MAGEA6: variants seen among roughly 807,000 people sequenced by gnomAD.
The protein encoded by MAGEA6 is MAGE family member A6.
For synonymous variants in MAGEA6, 100 were observed against 98.8 expected (o/e 1.01, Z -0.07); for missense variants, 281 against 231.4 (o/e 1.21, Z -1.39).
rs782130008 is a variant in MAGEA6, at chrX:152,766,715, C to T, written c.936G>A (p.Gly312=). The T allele has an allele frequency of 3.3e-6, 4 of 1,209,254 alleles. No homozygotes were observed. The highest frequency in any genetic ancestry group is 3.0e-5 in the East Asian group (1 of 33,788). Residue 312 remains glycine, a synonymous_variant, in exon 3 of 3, where the codon GGG becomes GGA. Coordinates refer to ENST00000329342, the MANE Select transcript of MAGEA6 (RefSeq NM_005363.5). ...CAACTCGTGCTCAGACTCACTCTTCCCCCTCTCTCAAAGCCCACTCATGCA... is the reference window on the plus strand; with the variant it reads ...CAACTCGTGCTCAGACTCACTCTTCTCCCTCTCTCAAAGCCCACTCATGCA... ...PLLHEWALRE[G]EE
Position 152,766,397 on chromosome X carries a change from A to G in MAGEA6, c.*309T>C, listed in dbSNP as rs1932715392. On this transcript the variant is annotated 3_prime_UTR_variant, in exon 3 of 3. Coordinates refer to ENST00000329342, the MANE Select transcript of MAGEA6 (RefSeq NM_005363.5). ...GATTTCCCAATCTGAATAAAAAACA[A>G]GACTCTTACTCCTAAACTATATAAA... 2 of 379,823 alleles carry G rather than the reference A, an allele frequency of 5.3e-6. No individual in the cohort carries two copies. The highest frequency in any genetic ancestry group is 9.8e-6 in the Non-Finnish European group (2 of 203,911). The allele number at this position is 379,823 out of a possible 1,213,427, so 31.3% of individuals were successfully genotyped here. A position where few individuals can be genotyped will look rare whatever the true frequency, so the allele number is the denominator to read the frequency against.
rs148280358 is a variant in MAGEA6, at chrX:152,766,963, C to G, written c.688G>C (p.Val230Leu). ...ATACTGTCTTCCCTCCCCTCAAACA[C>G]CTCTAACACACTCAGCTCCTCCCAG... ...KIWEELSVLE[V>L]FEGREDSIFG... Residue 230 changes from valine (V) to leucine (L), a missense_variant, in exon 3 of 3, where the codon GTG (valine) becomes CTG (leucine). Coordinates refer to ENST00000329342, the MANE Select transcript of MAGEA6 (RefSeq NM_005363.5). 36 of 1,210,927 alleles carry G rather than the reference C, an allele frequency of 3.0e-5. No individual in the cohort carries two copies. The highest frequency in any genetic ancestry group is 4.0e-5 in the Non-Finnish European group (36 of 894,798).
In MAGEA6 at chrX:152,766,700, T is replaced by A. The variant is rs782246227; in HGVS notation, c.*6A>T. 1.8e-5 allele frequency: 22 copies of A among 1,204,512 alleles called. No individual in the cohort carries two copies. The highest frequency in any genetic ancestry group is 2.5e-5 in the Non-Finnish European group (22 of 892,017). ...CACTGGCCCTGGCTGCAACTCGTGCTCAGACTCACTCTTCCCCCTCTCTCA... is the reference window on the plus strand; with the variant it reads ...CACTGGCCCTGGCTGCAACTCGTGCACAGACTCACTCTTCCCCCTCTCTCA... On this transcript the variant is annotated 3_prime_UTR_variant, in exon 3 of 3. Transcript: ENST00000329342.
In MAGEA6 at chrX:152,767,393, G is replaced by T; in HGVS notation, c.258C>A (p.Asp86Glu). Residue 86 changes from aspartate (D) to glutamate (E), a missense_variant, in exon 3 of 3, where the codon GAC becomes GAA. Transcript: ENST00000329342. Reference protein sequence around the residue: ...NYPLWSQSYEDSSNQEEEGPS... With the variant: ...NYPLWSQSYEESSNQEEEGPS... Reference sequence around the variant, plus strand: ...GCCCCTCCTCTTCTTGGTTGCTGGAGTCCTCATAGGATTGGCTCCAGAGAG... The same window carrying T: ...GCCCCTCCTCTTCTTGGTTGCTGGATTCCTCATAGGATTGGCTCCAGAGAG... The T allele has an allele frequency of 1.2e-5, 14 of 1,206,478 alleles. No individual in the cohort carries two copies. Among genetic ancestry groups the T allele is most frequent in the Non-Finnish European group, 1.6e-5 (14 of 893,327 alleles).
At position 152,767,403 on chromosome X, in the gene MAGEA6, G is replaced by A. The variant is rs1556826160; in HGVS notation, c.248C>T (p.Ser83Phe). Reference protein sequence around the residue: ...TTMNYPLWSQSYEDSSNQEEE... With the variant: ...TTMNYPLWSQFYEDSSNQEEE... ...TTCTTGGTTGCTGGAGTCCTCATAG[G>A]ATTGGCTCCAGAGAGGGTAGTTCAT... is the stretch of plus-strand genomic sequence containing the variant. Residue 83 changes from serine to phenylalanine, a missense_variant, in exon 3 of 3, where the codon TCC becomes TTC. Physicochemically the swap from Ser to Phe is radical, Grantham distance 155. Transcript: ENST00000329342. 2.7e-5 allele frequency: 33 copies of A among 1,200,745 alleles called. No homozygotes were observed. Among genetic ancestry groups the A allele is most frequent in the Non-Finnish European group, 3.5e-5 (31 of 891,591 alleles).
At position 152,767,338 on chromosome X, in the gene MAGEA6, A is replaced by G; in HGVS notation, c.313T>C (p.Phe105Leu). The part of the protein sequence containing the change: ...PSTFPDLESE[F>L]QAALSRKVAK... Reference sequence around the variant, plus strand: ...ACCTTCCTACTGAGTGCTGCTTGGAACTCAGACTCCAGGTCAGGGAAGGTG... The same window carrying G: ...ACCTTCCTACTGAGTGCTGCTTGGAGCTCAGACTCCAGGTCAGGGAAGGTG... Residue 105 changes from phenylalanine to leucine, a missense_variant, in exon 3 of 3, where the codon TTC (phenylalanine) becomes CTC (leucine). Phe to Leu is a conservative substitution (Grantham distance 22, BLOSUM62 0). Coordinates refer to ENST00000329342, the MANE Select transcript of MAGEA6 (RefSeq NM_005363.5). The G allele has an allele frequency of 6.6e-6, 8 of 1,209,054 alleles. No homozygotes were observed. The highest frequency in any genetic ancestry group is 2.2e-5 in the Admixed American group (1 of 45,881).
At position 152,766,573 on chromosome X, in the gene MAGEA6, T is replaced by C; in HGVS notation, c.*133A>G. The C allele has an allele frequency of 1.6e-6, 1 of 617,821 alleles. No individual in the cohort carries two copies. Among genetic ancestry groups the C allele is most frequent in the Non-Finnish European group, 2.6e-6 (1 of 387,787 alleles). The allele number at this position is 617,821 out of a possible 1,213,427, so 50.9% of individuals were successfully genotyped here. ...AACAGAAACCCACTACTAAGAATGC[T>C]GACTGCTCGCTTCAAAGAGTGAAGA... On this transcript the variant is annotated 3_prime_UTR_variant, in exon 3 of 3. Transcript: ENST00000329342.
intron 2 of MAGEA6, 28 bp from the exon 3 acceptor site, chrX:152,767,743 C>T (rs2124943742): frequency 2.6e-6 from 1 of 385,666 alleles, no homozygotes; most frequent in Non-Finnish European, 4.7e-6. Flanking sequence ...ATGTGAGAGA[C>T]CTCAGCTGAG....
At position 152,767,000 on chromosome X, in the gene MAGEA6, A is replaced by C; in HGVS notation, c.651T>G (p.Pro217=). The C allele has an allele frequency of 1.7e-6, 2 of 1,210,654 alleles. No homozygotes were observed. Among genetic ancestry groups the C allele is most frequent in the Non-Finnish European group, 2.2e-6 (2 of 894,691 alleles). ...TCAGCTCCTCCCAGATTTTCTCCTC[A>C]GGGGCACAGTCGCCCTCTTTTGCGA... ...AIIAKEGDCA[P]EEKIWEELSV... Residue 217 remains proline (P), a synonymous_variant, in exon 3 of 3, where the codon CCT becomes CCG. Transcript: ENST00000329342.
rs138239460 is a variant in MAGEA6, at chrX:152,767,372, C to T, written c.279G>A (p.Glu93=). 3.3e-6 allele frequency: 4 copies of T among 1,205,083 alleles called. No homozygotes were observed. Among genetic ancestry groups the T allele is most frequent in the Admixed American group, 2.2e-5 (1 of 45,334 alleles). ...CCAGGTCAGGGAAGGTGCTTGGCCC[C>T]TCCTCTTCTTGGTTGCTGGAGTCCT... ...SYEDSSNQEE[E]GPSTFPDLES... Residue 93 remains glutamate (E), a synonymous_variant, in exon 3 of 3, where the codon GAG becomes GAA. Coordinates refer to ENST00000329342, the MANE Select transcript of MAGEA6 (RefSeq NM_005363.5).
In MAGEA6 at chrX:152,767,809, C is replaced by T; in HGVS notation, c.-79G>A. ...AGGCTTACTTACAGATCTTCTCCTTCAGTGCTCCTCCGGGGGCCTCTGTTC... is the reference window on the plus strand; with the variant it reads ...AGGCTTACTTACAGATCTTCTCCTTTAGTGCTCCTCCGGGGGCCTCTGTTC... On this transcript the variant is annotated 5_prime_UTR_variant, in exon 2 of 3. Coordinates refer to ENST00000329342, the MANE Select transcript of MAGEA6 (RefSeq NM_005363.5). 4 of 266,692 alleles carry T rather than the reference C, an allele frequency of 1.5e-5. 1 individual carries two copies. Among genetic ancestry groups the T allele is most frequent in the Admixed American group, 1.1e-4 (3 of 26,585 alleles). The allele number at this position is 266,692 out of a possible 1,213,427, so 22.0% of individuals were successfully genotyped here. A position where few individuals can be genotyped will look rare whatever the true frequency, so the allele number is the denominator to read the frequency against.
Position 152,767,846 on chromosome X carries a change from C to T in MAGEA6, c.-116G>A, listed in dbSNP as rs1932763156. On this transcript the variant is annotated 5_prime_UTR_variant, in exon 2 of 3. Transcript: ENST00000329342. ...GGGGGCCTCTGTTCCTCCACGTCAG[C>T]CTGTCCCCTCAGAACCTGAAGGAGG... 3 of 245,488 alleles carry T rather than the reference C, an allele frequency of 1.2e-5. No individual in the cohort carries two copies. Among genetic ancestry groups the T allele is most frequent in the Admixed American group, 7.1e-5 (2 of 28,092 alleles). 20.2% of individuals were successfully genotyped at this position (245,488 alleles called of 1,213,427 possible).
At position 152,766,515 on chromosome X, in the gene MAGEA6, G is replaced by A. The variant is rs2124948836; in HGVS notation, c.*191C>T. 3 of 466,554 alleles carry A rather than the reference G, an allele frequency of 6.4e-6. No homozygotes were observed. Among genetic ancestry groups the A allele is most frequent in the East Asian group, 7.4e-5 (2 of 27,196 alleles). The allele number at this position is 466,554 out of a possible 1,213,427, so 38.4% of individuals were successfully genotyped here. A position where few individuals can be genotyped will look rare whatever the true frequency, so the allele number is the denominator to read the frequency against. On this transcript the variant is annotated 3_prime_UTR_variant, in exon 3 of 3. Coordinates refer to ENST00000329342, the MANE Select transcript of MAGEA6 (RefSeq NM_005363.5). ...AGGAACATTTGAACAACTCCAACAG[G>A]AAACAAAGAATAATCTCAAAGTCAT...
At position 152,766,830 on chromosome X, in the gene MAGEA6, C is replaced by T; in HGVS notation, c.821G>A (p.Gly274Asp). The change falls in exon 3 of 3, where the codon GGT (glycine) becomes GAT (aspartate). Residue 274 changes from glycine (G) to aspartate (D), a missense_variant. By Grantham distance (94) the Gly-to-Asp change is moderately conservative. Coordinates refer to ENST00000329342, the MANE Select transcript of MAGEA6 (RefSeq NM_005363.5). The part of the protein sequence containing the change: ...SDPACYEFLW[G>D]PRALIETSYV... ...GCTGGTTTCAATGAGGGCCCTTGGACCCCACAGGAACTCATAGCATGCAGG... is the reference window on the plus strand; with the variant it reads ...GCTGGTTTCAATGAGGGCCCTTGGATCCCACAGGAACTCATAGCATGCAGG... 1.7e-6 allele frequency: 2 copies of T among 1,210,914 alleles called. No individual in the cohort carries two copies. Among genetic ancestry groups the T allele is most frequent in the Non-Finnish European group, 2.2e-6 (2 of 894,794 alleles).
In MAGEA6 at chrX:152,766,920, T is replaced by G; in HGVS notation, c.731A>C (p.Lys244Thr). The change falls in exon 3 of 3, where the codon AAG becomes ACG. Residue 244 changes from lysine to threonine, a missense_variant. Physicochemically the swap from Lys to Thr is moderately conservative, Grantham distance 78. Coordinates refer to ENST00000329342, the MANE Select transcript of MAGEA6 (RefSeq NM_005363.5). ...REDSIFGDPK[K>T]LLTQYFVQEN... The stretch of plus-strand genomic sequence containing the variant: ...CTGCACGAAATATTGGGTGAGCAGC[T>G]TCTTGGGATCCCCGAAGATACTGTC... 1.1e-5 allele frequency: 13 copies of G among 1,210,890 alleles called. No individual in the cohort carries two copies. In the Middle Eastern group the frequency reaches 3.0e-3, roughly 278 times the overall value.
chrX:152,768,745 GC>G (rs782610099), intron 1 of MAGEA6, among the ~76,000 whole-genome samples: 2 of 15,499 alleles, frequency 1.3e-4, no homozygotes, highest in African/African-American at 3.6e-4. Context: ...CCACATAGGG[GC>G]CCCTTGGGGG....
At position 152,766,792 on chromosome X, in the gene MAGEA6, G is replaced by A; in HGVS notation, c.859C>T (p.Leu287=). The change falls in exon 3 of 3, where the codon CTG becomes TTG. Residue 287 remains leucine, a synonymous_variant. Transcript: ENST00000329342. ...CCACTGATCTTTACCATATGGTGCA[G>A]GACTTTCACATAGCTGGTTTCAATG... The part of the protein sequence containing the change: ...ALIETSYVKV[L]HHMVKISGGP... 2 of 1,210,808 alleles carry A rather than the reference G, an allele frequency of 1.7e-6. No homozygotes were observed. The highest frequency in any genetic ancestry group is 1.7e-5 in the African/African-American group (1 of 57,769).
In MAGEA6 at chrX:152,766,370, T is replaced by C. The variant is rs1932714421; in HGVS notation, c.*336A>G. On this transcript the variant is annotated 3_prime_UTR_variant, in exon 3 of 3. Transcript: ENST00000329342. ...TTATGTCACAATTCACAAAATGGAA[T>C]GGATTTCCCAATCTGAATAAAAAAC... 2 of 341,920 alleles carry C rather than the reference T, an allele frequency of 5.8e-6. No homozygotes were observed. Among genetic ancestry groups the C allele is most frequent in the Non-Finnish European group, 1.1e-5 (2 of 182,378 alleles). The allele number at this position is 341,920 out of a possible 1,213,427, so 28.2% of individuals were successfully genotyped here. A position where few individuals can be genotyped will look rare whatever the true frequency, so the allele number is the denominator to read the frequency against.
chrX:152,767,131 G>C lies in MAGEA6; in HGVS notation c.520C>G (p.His174Asp). The change falls in exon 3 of 3, where the codon CAC (histidine) becomes GAC (aspartate). Residue 174 changes from histidine (H) to aspartate (D), a missense_variant. By Grantham distance (81) the His-to-Asp change is moderately conservative. Coordinates refer to ENST00000329342, the MANE Select transcript of MAGEA6 (RefSeq NM_005363.5). ...IELMEVDPIG[H>D]VYIFATCLGL... The stretch of plus-strand genomic sequence containing the variant: ...AGGCAGGTGGCAAAGATGTACACGT[G>C]GCCGATGGGGTCCACTTCCATCAGC... 3 of 1,210,804 alleles carry C rather than the reference G, an allele frequency of 2.5e-6. No individual in the cohort carries two copies. Among genetic ancestry groups the C allele is most frequent in the Non-Finnish European group, 3.4e-6 (3 of 894,769 alleles).
Sources: gnomAD v4.1 joint callset for allele counts (sites outside exome capture counted in the v4.1 genomes callset) on GRCh38, gnomAD v4.1.1 for gene constraint, MANE v1.5 for transcripts, NCBI Gene and HGNC (gene_info 2026-07-23, HGNC 2026-07-21) for gene names.